SPIDR: variants seen among roughly 807,000 people sequenced by gnomAD.
SPIDR encodes the protein scaffold protein involved in DNA repair.
SPIDR carries 93 observed loss-of-function variants against 104.6 expected under a neutral mutation model. The observed-to-expected ratio is 0.89, with a 90% confidence interval of 0.75 to 1.06. The LOEUF (loss-of-function observed/expected upper bound fraction) is 1.06. Among genes scored for constraint, SPIDR ranks in the 50% least tolerant of loss-of-function variants. The pLI, the probability that SPIDR is intolerant of heterozygous loss-of-function variation, is 0.00. For missense variants in SPIDR, 1,154 were observed against 1,111.2 expected, an observed-to-expected ratio of 1.04 and a Z score of -0.55; for synonymous variants, 431 against 416.9, an observed-to-expected ratio of 1.03 and a Z score of -0.41.
At chr8:47,534,273 T>C (rs909070129) in intron 8 of SPIDR, among the ~76,000 whole-genome samples, 2 of 152,218 alleles carry the variant, frequency 1.3e-5, no homozygotes, top group Non-Finnish European at 2.9e-5. Flanking sequence ...AACAGACTAA[T>C]ACACTTGGTA....
intron 10 of SPIDR, among the ~76,000 whole-genome samples, chr8:47,643,726 TTA>T (rs1485517800): frequency 6.6e-6 from 1 of 152,186 alleles, no homozygotes; most frequent in African/African-American, 2.4e-5. Flanking sequence ...CCTATGTATA[TTA>T]TATACACAAA....
intron 7 of SPIDR, among the ~76,000 whole-genome samples, chr8:47,412,397 A>G (rs2063658937): frequency 6.6e-6 from 1 of 152,212 alleles, no homozygotes; most frequent in Non-Finnish European, 1.5e-5. Context: ...TGCCACAGGG[A>G]CCATGCTTCA....
At chr8:47,353,139 A>C (rs1366051181) in intron 5 of SPIDR, among the ~76,000 whole-genome samples, 5 of 152,132 alleles carry the variant, frequency 3.3e-5, no homozygotes, top group African/African-American at 1.2e-4. Context: ...TTATTCAAAA[A>C]GTTAAGTTCT....
At chr8:47,408,009 G>T (rs1554668571) in intron 7 of SPIDR, 48 bp downstream of exon 7, 2 of 1,030,176 alleles carry the variant, frequency 1.9e-6, no homozygotes, top group South Asian at 1.7e-5. Flanking sequence ...AAATATTTTA[G>T]TTAAAAGAAT....
chr8:47,646,855 TTA>T (rs781283355), intron 10 of SPIDR, among the ~76,000 whole-genome samples: 2 of 152,186 alleles, frequency 1.3e-5, no homozygotes, highest in Admixed American at 6.5e-5. Flanking sequence ...TGAAAGGACT[TTA>T]TATATAGTTA....
intron 8 of SPIDR, among the ~76,000 whole-genome samples, chr8:47,538,215 C>T (rs2087312102): frequency 6.6e-6 from 1 of 151,894 alleles, no homozygotes; most frequent in East Asian, 1.9e-4. Flanking sequence ...CCAGAGGTTG[C>T]TGAGAAGATT....
intron 8 of SPIDR, among the ~76,000 whole-genome samples, chr8:47,583,011 C>T (rs988934112): frequency 3.9e-5 from 6 of 151,956 alleles, no homozygotes; most frequent in South Asian, 2.1e-4. Flanking sequence ...GTGTGTAACT[C>T]TTCCACATTT....
intron 19 of SPIDR, 51 bp downstream of exon 19, chr8:47,729,516 G>A: frequency 1.3e-6 from 2 of 1,555,024 alleles, no homozygotes; most frequent in Non-Finnish European, 1.7e-6. Flanking sequence ...TAGCCTGCAT[G>A]AGCAACTCAT....
chr8:47,438,722 A>G (rs368879120), intron 7 of SPIDR, among the ~76,000 whole-genome samples: 28 of 149,612 alleles, frequency 1.9e-4, no homozygotes, highest in Admixed American at 1.3e-4. Flanking sequence ...GTTGTCCAAG[A>G]CAGTGCCCAG....
chr8:47,624,237 G>A (rs1588511686), intron 10 of SPIDR, among the ~76,000 whole-genome samples: 2 of 152,220 alleles, frequency 1.3e-5, no homozygotes, highest in East Asian at 3.9e-4. Context: ...ATTCAAAGCA[G>A]TGTGTAGAGG....
intron 5 of SPIDR, among the ~76,000 whole-genome samples, chr8:47,300,432 T>C (rs2041853656): frequency 6.6e-6 from 1 of 152,128 alleles, no homozygotes; most frequent in Admixed American, 6.5e-5. Context: ...TTTTGAAGGG[T>C]TTTTTGTGTC....
chr8:47,615,884 A>G (rs1046065894), intron 10 of SPIDR, among the ~76,000 whole-genome samples: 4 of 152,022 alleles, frequency 2.6e-5, no homozygotes, highest in African/African-American at 9.7e-5. Flanking sequence ...TGGAGTTTTC[A>G]TTGTACAAGT....
intron 8 of SPIDR, among the ~76,000 whole-genome samples, chr8:47,486,249 A>G (rs1451079814): frequency 6.6e-6 from 1 of 152,248 alleles, no homozygotes; most frequent in Non-Finnish European, 1.5e-5. Context: ...AAGAAAAGGT[A>G]TCAGAGACTG....
intron 7 of SPIDR, among the ~76,000 whole-genome samples, chr8:47,420,187 G>A (rs1396062277): frequency 4.6e-5 from 7 of 152,088 alleles, no homozygotes; most frequent in South Asian, 2.1e-4. Context: ...TTTGTGTCTC[G>A]TTGATCTGTC....
chr8:47,397,904 A>G (rs782145945), intron 6 of SPIDR, among the ~76,000 whole-genome samples: 10 of 152,204 alleles, frequency 6.6e-5, no homozygotes, highest in Admixed American at 4.6e-4. Flanking sequence ...AGTTCGCACC[A>G]TGGCTACATC....
chr8:47,700,551 C>G, intron 12 of SPIDR, 61 bp downstream of exon 12: 1 of 1,529,338 alleles, frequency 6.5e-7, no homozygotes, highest in Non-Finnish European at 9.1e-7. Context: ...GGTGCCAAGC[C>G]AGGCGTCATC....
chr8:47,333,167 A>T (rs2154269345), intron 5 of SPIDR, among the ~76,000 whole-genome samples: 1 of 152,252 alleles, frequency 6.6e-6, no homozygotes, highest in East Asian at 1.9e-4. Context: ...AGGGGCAGTA[A>T]CACTCATGGA....
At chr8:47,340,908 T>C (rs760086908) in intron 5 of SPIDR, among the ~76,000 whole-genome samples, 2 of 152,242 alleles carry the variant, frequency 1.3e-5, no homozygotes. Flanking sequence ...GGAAGCTCTG[T>C]GTCTGGGACC....
intron 10 of SPIDR, among the ~76,000 whole-genome samples, chr8:47,610,464 A>T (rs191794616): frequency 6.6e-6 from 1 of 152,026 alleles, no homozygotes; most frequent in Non-Finnish European, 1.5e-5. Context: ...ACCCAACTTG[A>T]CTTCCTCCTC....
Sources: allele counts gnomAD v4.1 joint callset (sites outside exome capture counted in the v4.1 genomes callset), GRCh38; gene constraint gnomAD v4.1.1; transcripts MANE v1.5; gene names NCBI Gene and HGNC (gene_info 2026-07-23, HGNC 2026-07-21).